Variants in HECA observed in about 807,000 individuals in gnomAD.
HECA encodes the protein HECA ribonucleoprotein granule regulator, also known as headcase protein homolog.
In HECA, 13 loss-of-function variants were observed where a neutral mutation model predicts 37.6. The ratio of observed to expected loss-of-function variants is 0.35; its 90% CI spans 0.23 to 0.55. The LOEUF (loss-of-function observed/expected upper bound fraction) is 0.55, where lower values mean the gene tolerates loss of function less well. Among genes scored for constraint, HECA ranks in the 20% least tolerant of loss-of-function variants. HECA has a pLI of 0.90. For synonymous variants in HECA, 307 were observed against 291.5 expected (o/e 1.05, Z -0.54); for missense variants, 527 against 701.9 (o/e 0.75, Z 2.82).
chr6:139,171,505 A>G (rs955642779), intron 2 of HECA, among the ~76,000 whole-genome samples: 1 of 152,248 alleles, frequency 6.6e-6, no homozygotes, highest in South Asian at 2.1e-4. Flanking sequence ...CCTTGACCAC[A>G]TATCAGCATT....
chr6:139,143,830 C>G (rs554134802), intron 1 of HECA, among the ~76,000 whole-genome samples: 81 of 147,462 alleles, frequency 5.5e-4, no homozygotes, highest in African/African-American at 1.7e-3. Context: ...CACTGCACTC[C>G]AGTCTGGTGA....
At position 139,177,816 on chromosome 6, in the gene HECA, T is replaced by A. The variant is rs1243042767; in HGVS notation, c.*711T>A. On this transcript the variant is annotated 3_prime_UTR_variant, in exon 4 of 4. Transcript: ENST00000367658. This position sits in a 1 kb window ranked among gnomAD's most constrained non-coding sequence, Gnocchi z 4.9. Reference sequence around the variant, plus strand: ...AATAATGCAAGAAGGCAGAACTCAATCATTTAAATTGTGTCTTTGAAGTTG... The same window carrying A: ...AATAATGCAAGAAGGCAGAACTCAAACATTTAAATTGTGTCTTTGAAGTTG... 1 of 152,252 alleles carries A rather than the reference T, an allele frequency of 6.6e-6. No individual in the cohort carries two copies. The highest frequency in any genetic ancestry group is 1.5e-5 in the Non-Finnish European group (1 of 68,038). The allele number at this position is 152,252 out of a possible 1,614,324, so 9.4% of individuals were successfully genotyped here.
In HECA at chr6:139,168,886, A is replaced by G. The variant is rs527888542; in HGVS notation, c.1312+1562A>G. 1.4e-4 allele frequency among the ~76,000 whole-genome samples: 22 copies of G among 152,290 alleles called. No individual in the cohort carries two copies. In the South Asian group the frequency reaches 4.6e-3, roughly 32 times the overall value. ...ATATTTTCCCCTTGGAATTTTGAAG[A>G]CATTTCTTTACTGTCTCCCATCTTA... On this transcript the variant is annotated intron_variant, in intron 2 of 3. Transcript: ENST00000367658.
chr6:139,147,810 A>C (rs1366078614), intron 1 of HECA, among the ~76,000 whole-genome samples: 2 of 152,170 alleles, frequency 1.3e-5, no homozygotes, highest in African/African-American at 4.8e-5. Context: ...TTCTTAATGG[A>C]CCAGAGTTCA....
At position 139,177,029 on chromosome 6, in the gene HECA, A is replaced by G. The variant is rs1269325693; in HGVS notation, c.1556A>G (p.Gln519Arg). 2.3e-6 allele frequency: 2 copies of G among 872,678 alleles called. No homozygotes were observed. The highest frequency in any genetic ancestry group is 1.6e-5 in the African/African-American group (1 of 61,324). 54.1% of individuals were successfully genotyped at this position (872,678 alleles called of 1,614,324 possible). A position where few individuals can be genotyped will look rare whatever the true frequency, so the allele number is the denominator to read the frequency against. ...TTCTCCGAATATAGCAACGTCCAGC[A>G]GTGTCCACACTGTGGGAACCTGGAC... Reference protein sequence around the residue: ...QYFSEYSNVQQCPHCGNLDYH... With the variant: ...QYFSEYSNVQRCPHCGNLDYH... Residue 519 changes from glutamine (Q) to arginine (R), a missense_variant, in exon 4 of 4, where the codon CAG (glutamine) becomes CGG (arginine). By Grantham distance (43) the Gln-to-Arg change is conservative. Around this residue, in one of 4 missense-constraint regions of HECA, gnomAD observed 106 missense variants for 193.4 expected, o/e 0.55. Transcript: ENST00000367658. The surrounding 1 kb of genome is among the most constrained non-coding windows in gnomAD (Gnocchi z 4.9).
In HECA at chr6:139,162,811, A is replaced by G. The variant is rs567750522; in HGVS notation, c.272-3473A>G. 9.2e-5 allele frequency among the ~76,000 whole-genome samples: 14 copies of G among 152,324 alleles called. No individual in the cohort carries two copies. The South Asian group carries it at 2.3e-3, about 25-fold the overall frequency. On this transcript the variant is annotated intron_variant, in intron 1 of 3. Transcript: ENST00000367658. ...GATAAGGTTGGGAAGGTTGTTGAGTAGAGGAGTCACATGGTTTGTTCCCTC... is the reference window on the plus strand; with the variant it reads ...GATAAGGTTGGGAAGGTTGTTGAGTGGAGGAGTCACATGGTTTGTTCCCTC...
At chr6:139,163,945 A>G (rs1438282951) in intron 1 of HECA, among the ~76,000 whole-genome samples, 1 of 152,100 alleles carries the variant, frequency 6.6e-6, no homozygotes, top group Non-Finnish European at 1.5e-5. Context: ...TCAGTGGTAC[A>G]CAGGCACTTC....
chr6:139,135,496 G>A lies in HECA; in HGVS notation c.100G>A (p.Gly34Ser). ...TGGAGCCGGGGCCCTGGCAGCGGCG[G>A]GCGCGGCGGGAGCGGCGGCCGGGGG... ...ENGAGALAAA[G>S]AAGAAAGGAL... Residue 34 changes from glycine (G) to serine (S), a missense_variant, in exon 1 of 4, where the codon GGC becomes AGC. This residue lies in a region of HECA where 172 missense variants were observed against 197.6 expected (regional missense o/e 0.87). Transcript: ENST00000367658. 1 of 1,165,032 alleles carries A rather than the reference G, an allele frequency of 8.6e-7. No homozygotes were observed. The highest frequency in any genetic ancestry group is 1.1e-6 in the Non-Finnish European group (1 of 927,638). The allele number at this position is 1,165,032 out of a possible 1,614,324, so 72.2% of individuals were successfully genotyped here.
intron 3 of HECA, among the ~76,000 whole-genome samples, chr6:139,174,766 A>T (rs1775028800): frequency 6.6e-6 from 1 of 152,190 alleles, no homozygotes; most frequent in African/African-American, 2.4e-5. Flanking sequence ...ATTAGGTCAA[A>T]AGAACAGGTT....
intron 1 of HECA, among the ~76,000 whole-genome samples, chr6:139,140,131 C>A (rs1001330066): frequency 1.3e-5 from 2 of 152,068 alleles, no homozygotes; most frequent in African/African-American, 4.8e-5. Flanking sequence ...TTTTTATAAC[C>A]GAGGTTTGTA....
At chr6:139,171,186 G>A (rs1774967292) in intron 2 of HECA, among the ~76,000 whole-genome samples, 1 of 152,028 alleles carries the variant, frequency 6.6e-6, no homozygotes, top group African/African-American at 2.4e-5. Context: ...AACAGTGGTG[G>A]TTAAAATCCT....
chr6:139,167,498 T>A (rs1199468136), intron 2 of HECA, among the ~76,000 whole-genome samples, 174 bp downstream of exon 2: 1 of 152,226 alleles, frequency 6.6e-6, no homozygotes, highest in African/African-American at 2.4e-5. Context: ...GATTTTTTAC[T>A]CTGATGTCAC....
rs1044129337 is a variant in HECA at position 139,175,525 on chromosome 6, C to T, written c.1467+986C>T. Among the ~76,000 whole-genome samples the T allele has an allele frequency of 7.9e-5, 12 of 152,296 alleles. 1 individual carries two copies. The East Asian group carries it at 1.3e-3, about 17-fold the overall frequency. ...AGAGGAAGTGGCTCCCCTCTGCACA[C>T]ACACACCGTGGAGGATTATCTTTTA... On this transcript the variant is annotated intron_variant, in intron 3 of 3. Transcript: ENST00000367658.
chr6:139,138,342 C>A (rs1185820145), intron 1 of HECA, among the ~76,000 whole-genome samples: 1 of 152,108 alleles, frequency 6.6e-6, no homozygotes, highest in Non-Finnish European at 1.5e-5. Context: ...TTAACTGTGA[C>A]ATTAGATTTT....
At chr6:139,147,279 T>TA (rs1352947885) in intron 1 of HECA, among the ~76,000 whole-genome samples, 2 of 152,054 alleles carry the variant, frequency 1.3e-5, no homozygotes, top group African/African-American at 4.8e-5. Context: ...AAATTCAGTG[T>TA]AAAAACACCA....
chr6:139,151,684 A>T (rs144094520), intron 1 of HECA, among the ~76,000 whole-genome samples: 6 of 152,324 alleles, frequency 3.9e-5, no homozygotes, highest in African/African-American at 1.4e-4. Flanking sequence ...TACTTTTTTA[A>T]CGTGGTCACT....
rs56410451 is a variant in HECA, at chr6:139,152,418, A to ATGTGTGTGTGTGTGTGTGTGTGTGTG, written c.272-13864_272-13839dup. 1.3e-3 allele frequency among the ~76,000 whole-genome samples: 186 copies of ATGTGTGTGTGTGTGTGTGTGTGTGTG among 147,526 alleles called. 2 individuals carry two copies. The East Asian group carries it at 0.023, about 18-fold the overall frequency. On this transcript the variant is annotated intron_variant, in intron 1 of 3. Coordinates refer to ENST00000367658, the MANE Select transcript of HECA (RefSeq NM_016217.3). ...GTTGTAAACTGTATTGAAGCATTGG[A>ATGTGTGTGTGTGTGTGTGTGTGTGTG]TGTGTGTGTGTGTGTGTGTGTGTGT...
chr6:139,171,809 C>T (rs72980690), intron 2 of HECA, among the ~76,000 whole-genome samples: 6,188 of 151,250 alleles, frequency 0.041, 136 homozygotes, highest in African/African-American at 0.063. Context: ...TTTGTTTAAA[C>T]TTGTTGTTGT....
At chr6:139,154,253 C>A (rs1277573982) in intron 1 of HECA, among the ~76,000 whole-genome samples, 1 of 152,074 alleles carries the variant, frequency 6.6e-6, no homozygotes. Flanking sequence ...TTTCCATTGA[C>A]AATTGGTCAA....
Sources: allele counts gnomAD v4.1 joint callset (sites outside exome capture counted in the v4.1 genomes callset), GRCh38; gene constraint gnomAD v4.1.1; regional missense constraint gnomAD v4.1.1; non-coding constraint Gnocchi (gnomAD v3.1); transcripts MANE v1.5; gene names NCBI Gene and HGNC (gene_info 2026-07-23, HGNC 2026-07-21).